Variants in UBQLN1 observed in about 807,000 individuals in gnomAD.
UBQLN1 encodes ubiquilin 1, also known as ubiquilin-1.
Under a neutral mutation model 65.4 loss-of-function variants are expected in UBQLN1, and 13 were observed. The observed-to-expected ratio is 0.20, with a 90% CI of 0.13 to 0.32. The LOEUF (loss-of-function observed/expected upper bound fraction) is 0.32, where lower values mean the gene tolerates loss of function less well. Among genes scored for constraint, UBQLN1 ranks in the 10% least tolerant of loss-of-function variants. The pLI is 1.00. For synonymous variants in UBQLN1, 267 were observed against 247.8 expected (o/e 1.08, Z -0.73); for missense variants, 561 against 724.0 (o/e 0.77, Z 2.58).
At chr9:83,703,693 TTA>T (rs1350983467) in intron 1 of UBQLN1, among the ~76,000 whole-genome samples, 1 of 152,030 alleles carries the variant, frequency 6.6e-6, no homozygotes, top group Non-Finnish European at 1.5e-5. Flanking sequence ...AAGTAAAAAT[TTA>T]TGTTACTCAG....
chr9:83,703,578 A>G (rs532918205), intron 1 of UBQLN1, among the ~76,000 whole-genome samples: 4 of 152,300 alleles, frequency 2.6e-5, no homozygotes, highest in Non-Finnish European at 4.4e-5. Context: ...AGCATTTCCC[A>G]TAAGGGATAC....
intron 3 of UBQLN1, among the ~76,000 whole-genome samples, chr9:83,681,941 T>C (rs995790166): frequency 6.6e-6 from 1 of 152,214 alleles, no homozygotes; most frequent in Non-Finnish European, 1.5e-5. Flanking sequence ...ATGGGCACCT[T>C]ACAAACCGGT....
Position 83,683,011 on chromosome 9 carries a change from A to C in UBQLN1, c.388T>G (p.Ser130Ala), listed in dbSNP as rs752186853. ...TNTAGSNVTT[S>A]STPNSNSTSG... ...GTAGAGTTACTATTAGGAGTTGATGATGTAGTAACATTGCTTCCAGCTGTA... is the reference window on the plus strand; with the variant it reads ...GTAGAGTTACTATTAGGAGTTGATGCTGTAGTAACATTGCTTCCAGCTGTA... Residue 130 changes from serine (S) to alanine (A), a missense_variant, in exon 3 of 11, where the codon TCA becomes GCA. By Grantham distance (99) the Ser-to-Ala change is moderately conservative. Around this residue, in one of 8 missense-constraint regions of UBQLN1, gnomAD observed 87 missense variants for 88.8 expected, o/e 0.98. Transcript: ENST00000376395. 1 of 1,612,544 alleles carries C rather than the reference A, an allele frequency of 6.2e-7. No homozygotes were observed. Among genetic ancestry groups the C allele is most frequent in the Admixed American group, 1.7e-5 (1 of 60,008 alleles).
At chr9:83,671,790 A>G (rs1831736069) in intron 6 of UBQLN1, among the ~76,000 whole-genome samples, 1 of 152,234 alleles carries the variant, frequency 6.6e-6, no homozygotes, top group African/African-American at 2.4e-5. Context: ...CACCAGACAC[A>G]TTAGCCCCAA....
intron 6 of UBQLN1, among the ~76,000 whole-genome samples, chr9:83,673,547 A>T (rs1207278017): frequency 7.1e-4 from 22 of 30,840 alleles, no homozygotes; most frequent in East Asian, 1.7e-3. Flanking sequence ...TCGGTCTTTT[A>T]AAAAAAAAAA....
intron 6 of UBQLN1, among the ~76,000 whole-genome samples, chr9:83,675,291 T>C (rs538301768): frequency 3.3e-5 from 5 of 152,310 alleles, no homozygotes; most frequent in South Asian, 2.1e-4. Flanking sequence ...CAACCAAACA[T>C]TGAATTACTA....
chr9:83,684,908 T>C (rs1379295424), intron 2 of UBQLN1, among the ~76,000 whole-genome samples: 1 of 152,054 alleles, frequency 6.6e-6, no homozygotes, highest in African/African-American at 2.4e-5. Context: ...TCCCTGAATT[T>C]AGCTAAGGCA....
rs1174519830 is a variant in UBQLN1, at chr9:83,678,596, A to G, written c.715T>C (p.Leu239=). ...ATTGCTGGATTCCTGGCAAGTTCCA[A>G]CGTCTACGAAAAATATTTCCAAAAA... ...LNNPDIMRQT[L]ELARNPAMMQ... Residue 239 remains leucine, a synonymous_variant, in exon 5 of 11, where the codon TTG becomes CTG. Coordinates refer to ENST00000376395, the MANE Select transcript of UBQLN1 (RefSeq NM_013438.5). The G allele has an allele frequency of 6.3e-7, 1 of 1,589,612 alleles. No individual in the cohort carries two copies. Among genetic ancestry groups the G allele is most frequent in the Admixed American group, 1.9e-5 (1 of 52,588 alleles).
chr9:83,685,317 C>T (rs1010177565), intron 2 of UBQLN1, among the ~76,000 whole-genome samples: 8 of 152,158 alleles, frequency 5.3e-5, no homozygotes, highest in African/African-American at 1.9e-4. Context: ...GAGTTTGATA[C>T]TGTATGAAAA....
chr9:83,686,029 G>A lies in UBQLN1; in HGVS notation c.307C>T (p.His103Tyr). Residue 103 changes from histidine (H) to tyrosine (Y), a missense_variant, in exon 2 of 11, where the codon CAC becomes TAC. His to Tyr is a moderately conservative substitution (Grantham distance 83). Coordinates refer to ENST00000376395, the MANE Select transcript of UBQLN1 (RefSeq NM_013438.5). ...CTGTTTTGTGTTTTAATGACAAGGT[G>A]AACAGTAAGTCCATCATGAATTCCA... ...QHGIHDGLTV[H>Y]LVIKTQNRPQ... 1.2e-6 allele frequency: 2 copies of A among 1,605,932 alleles called. No individual in the cohort carries two copies. Among genetic ancestry groups the A allele is most frequent in the Non-Finnish European group, 1.7e-6 (2 of 1,177,210 alleles).
intron 6 of UBQLN1, among the ~76,000 whole-genome samples, chr9:83,675,893 G>A (rs1831823774): frequency 6.6e-6 from 1 of 152,058 alleles, no homozygotes; most frequent in Admixed American, 6.6e-5. Context: ...CCTCTTATCA[G>A]TAGATACAAG....
intron 1 of UBQLN1, among the ~76,000 whole-genome samples, chr9:83,697,881 C>G (rs972831670): frequency 1.3e-5 from 2 of 151,928 alleles, no homozygotes; most frequent in African/African-American, 4.8e-5. Flanking sequence ...GGATTACAGG[C>G]ATGCACCACC....
Position 83,707,820 on chromosome 9 carries a change from GC to G in UBQLN1, c.-142del. On this transcript the variant is annotated 5_prime_UTR_variant, in exon 1 of 11. Coordinates refer to ENST00000376395, the MANE Select transcript of UBQLN1 (RefSeq NM_013438.5). ...CCGCCTCAGTAGCAACGGGCGCAGG[GC>G]CACCGTAGCGGGTGTGGGGCCCCGG... The G allele has an allele frequency of 1.5e-6, 2 of 1,297,896 alleles. No individual in the cohort carries two copies. The highest frequency in any genetic ancestry group is 2.0e-6 in the Non-Finnish European group (2 of 992,974). The allele number at this position is 1,297,896 out of a possible 1,614,324, so 80.4% of individuals were successfully genotyped here.
At chr9:83,669,864 T>C (rs563556229) in intron 6 of UBQLN1, among the ~76,000 whole-genome samples, 70 of 152,172 alleles carry the variant, frequency 4.6e-4, no homozygotes, top group South Asian at 1.0e-3. Context: ...GCACAGTGAC[T>C]CCAAGCAGTA....
At chr9:83,693,460 T>C (rs1832160673) in intron 1 of UBQLN1, among the ~76,000 whole-genome samples, 2 of 132,722 alleles carry the variant, frequency 1.5e-5, no homozygotes, top group African/African-American at 5.6e-5. Flanking sequence ...CCTTTTTCTT[T>C]TTCTTATTTT....
rs779322288 is a variant in UBQLN1, at chr9:83,663,896, A to C, written c.1596T>G (p.Ala532=). The C allele has an allele frequency of 2.5e-6, 4 of 1,613,994 alleles. No individual in the cohort carries two copies. The highest frequency in any genetic ancestry group is 3.4e-6 in the Non-Finnish European group (4 of 1,179,974). Residue 532 remains alanine, a synonymous_variant, in exon 10 of 11, where the codon GCT becomes GCG. Transcript: ENST00000376395. The part of the protein sequence containing the change: ...HQQFIQQMLQ[A]LAGVNPQLQN... ...ATACCTGAGGATTTACTCCAGCAAGAGCCTGCAGCATCTGCTGAATAAACT... is the reference window on the plus strand; with the variant it reads ...ATACCTGAGGATTTACTCCAGCAAGCGCCTGCAGCATCTGCTGAATAAACT...
intron 1 of UBQLN1, among the ~76,000 whole-genome samples, chr9:83,700,937 T>C (rs1832299870): frequency 6.6e-6 from 1 of 152,236 alleles, no homozygotes; most frequent in South Asian, 2.1e-4. Flanking sequence ...GAGATCACTC[T>C]TGGAATGGCT....
rs1385764888 is a variant in UBQLN1 at position 83,669,175 on chromosome 9, A to G, written c.1248+10T>C. On this transcript the variant is annotated intron_variant, in intron 7 of 10. Coordinates refer to ENST00000376395, the MANE Select transcript of UBQLN1 (RefSeq NM_013438.5). ...CTGCACAGTCTTTTTCAATACAATT[A>G]CAAACTCACCTGTGCAGCAAGGTCA... 1 of 1,600,286 alleles carries G rather than the reference A, an allele frequency of 6.2e-7. No homozygotes were observed. Among genetic ancestry groups the G allele is most frequent in the Non-Finnish European group, 8.5e-7 (1 of 1,177,274 alleles).
At chr9:83,694,226 G>A (rs927952262) in intron 1 of UBQLN1, among the ~76,000 whole-genome samples, 2 of 152,058 alleles carry the variant, frequency 1.3e-5, no homozygotes, top group Admixed American at 6.5e-5. Context: ...TTCATTTCCC[G>A]CAGAATCACA....
Sources: gnomAD v4.1 joint callset for allele counts (sites outside exome capture counted in the v4.1 genomes callset) on GRCh38, gnomAD v4.1.1 for gene constraint, gnomAD v4.1.1 regional missense constraint, MANE v1.5 for transcripts, NCBI Gene and HGNC (gene_info 2026-07-23, HGNC 2026-07-21) for gene names.